Variants in METTL15 observed in about 807,000 individuals in gnomAD.
The protein encoded by METTL15 is methyltransferase 15, mitochondrial 12S rRNA N4-cytidine.
METTL15 carries 34 observed loss-of-function variants against 38.3 expected under a neutral mutation model. That is an observed-to-expected ratio of 0.89 (90% CI 0.68 to 1.18). The LOEUF is 1.18. Among genes scored for constraint, METTL15 ranks in the 50% most tolerant of loss-of-function variants. The probability of loss-of-function intolerance (pLI) is 0.00; values close to 1 mark genes in which losing one functional copy is unlikely to be tolerated. For synonymous variants in METTL15, 162 were observed against 170.9 expected (o/e 0.95, Z 0.41); for missense variants, 438 against 498.4 (o/e 0.88, Z 1.15).
At chr11:28,429,930 G>A (rs1266950272) in intron 6 of METTL15, among the ~76,000 whole-genome samples, 1 of 120,172 alleles carries the variant, frequency 8.3e-6, no homozygotes, top group Non-Finnish European at 1.7e-5. Context: ...CTTCCCAGCC[G>A]CCATCACATC....
intron 6 of METTL15, among the ~76,000 whole-genome samples, chr11:28,328,504 A>G (rs1367027404): frequency 6.6e-6 from 1 of 152,112 alleles, no homozygotes; most frequent in Non-Finnish European, 1.5e-5. Context: ...GAAACATGCT[A>G]AGGAGATTAA....
chr11:28,193,955 A>C (rs1851793586), intron 3 of METTL15, among the ~76,000 whole-genome samples: 1 of 151,824 alleles, frequency 6.6e-6, no homozygotes, highest in African/African-American at 2.4e-5. Context: ...TTCCTACTTG[A>C]ATCTTTTTTT....
At chr11:28,373,617 T>A (rs1052828290) in intron 5 of METTL15, among the ~76,000 whole-genome samples, 1 of 152,202 alleles carries the variant, frequency 6.6e-6, no homozygotes, top group Non-Finnish European at 1.5e-5. Context: ...AGCTCTTTAG[T>A]TTAATTAGTT....
chr11:28,141,370 C>T (rs945862633), intron 3 of METTL15, among the ~76,000 whole-genome samples: 3 of 151,962 alleles, frequency 2.0e-5, no homozygotes, highest in African/African-American at 7.3e-5. Flanking sequence ...AAAGATCAAT[C>T]TTAGTTTTTG....
At chr11:28,223,258 G>A (rs558659017) in intron 4 of METTL15, among the ~76,000 whole-genome samples, 2 of 152,050 alleles carry the variant, frequency 1.3e-5, no homozygotes, top group South Asian at 4.2e-4. Flanking sequence ...CAATGACTAA[G>A]AAAAACCCAG....
At chr11:28,214,573 A>T (rs942424310) in intron 4 of METTL15, among the ~76,000 whole-genome samples, 1 of 152,178 alleles carries the variant, frequency 6.6e-6, no homozygotes, top group Admixed American at 6.5e-5. Context: ...ATTCTTATTT[A>T]AATTTCTGTT....
chr11:28,193,925 T>G (rs542105276), intron 3 of METTL15, among the ~76,000 whole-genome samples: 1 of 152,108 alleles, frequency 6.6e-6, no homozygotes, highest in South Asian at 2.1e-4. Flanking sequence ...ATTCTTTGTA[T>G]TTTTCTATTA....
chr11:28,255,138 T>G (rs1854919985), intron 4 of METTL15, among the ~76,000 whole-genome samples: 1 of 152,198 alleles, frequency 6.6e-6, no homozygotes, highest in African/African-American at 2.4e-5. Context: ...TACAATTTCT[T>G]TCATCAGTGT....
intron 6 of METTL15, among the ~76,000 whole-genome samples, chr11:28,316,030 C>T (rs1334669204): frequency 6.6e-6 from 1 of 152,174 alleles, no homozygotes; most frequent in East Asian, 1.9e-4. Context: ...AATGTGGGAC[C>T]CCCACACAGA....
At chr11:28,322,394 G>A (rs1590322374) in intron 6 of METTL15, among the ~76,000 whole-genome samples, 1 of 152,156 alleles carries the variant, frequency 6.6e-6, no homozygotes, top group East Asian at 1.9e-4. Flanking sequence ...GAATCAACTG[G>A]CTATTAGATT....
chr11:28,211,056 T>C lies in METTL15; in HGVS notation c.271-6T>C. 6.2e-7 allele frequency: 1 copy of C among 1,600,264 alleles called. No individual in the cohort carries two copies. ...AGTTGTAATTTTCTTTTTCTGTGTT[T>C]GCTAGATTTTTCTAGATATGACATT... is the stretch of plus-strand genomic sequence containing the variant. On this transcript the variant is annotated splice_region_variant and splice_polypyrimidine_tract_variant and intron_variant, in intron 3 of 6. Coordinates refer to ENST00000407364, the MANE Select transcript of METTL15 (RefSeq NM_001113528.2).
chr11:28,252,059 A>C (rs1194219634), intron 4 of METTL15, among the ~76,000 whole-genome samples: 2 of 152,126 alleles, frequency 1.3e-5, no homozygotes, highest in East Asian at 3.9e-4. Context: ...CTACAAATTC[A>C]TTTGCTCAAC....
downstream of METTL15, among the ~76,000 whole-genome samples, chr11:28,335,291 A>T (rs958978082): frequency 5.9e-5 from 9 of 152,312 alleles, no homozygotes; most frequent in African/African-American, 1.7e-4. Flanking sequence ...TATTGTGAAT[A>T]ACGCTATTGG....
exon 8 of METTL15, chr11:28,526,814 G>C (rs1851815678): frequency 6.6e-6 from 1 of 152,216 alleles, no homozygotes; most frequent in Non-Finnish European, 1.5e-5. Flanking sequence ...CCCTGACACA[G>C]ACTTTATGCA....
intron 4 of METTL15, among the ~76,000 whole-genome samples, chr11:28,241,240 A>G (rs1287762252): frequency 1.3e-5 from 2 of 152,118 alleles, no homozygotes; most frequent in African/African-American, 4.8e-5. Context: ...TTATGATGAA[A>G]AACAACCAGA....
At chr11:28,134,882 G>A (rs1175954651) in intron 3 of METTL15, among the ~76,000 whole-genome samples, 1 of 152,166 alleles carries the variant, frequency 6.6e-6, no homozygotes, top group Non-Finnish European at 1.5e-5. Context: ...CATGGGGCTT[G>A]GCTTTGGTAG....
At chr11:28,244,026 C>T (rs990465084) in intron 4 of METTL15, among the ~76,000 whole-genome samples, 45 of 152,042 alleles carry the variant, frequency 3.0e-4, no homozygotes, top group African/African-American at 1.1e-3. Flanking sequence ...GGACAGCTAG[C>T]TCAAAACAGA....
At chr11:28,217,726 A>G (rs1450428645) in intron 4 of METTL15, among the ~76,000 whole-genome samples, 3 of 152,124 alleles carry the variant, frequency 2.0e-5, no homozygotes, top group African/African-American at 7.2e-5. Context: ...ATTTGGAATT[A>G]ATTTTTGTAG....
intron 3 of METTL15, among the ~76,000 whole-genome samples, chr11:28,147,658 C>T (rs762195105): frequency 2.6e-5 from 4 of 151,468 alleles, no homozygotes; most frequent in Non-Finnish European, 4.4e-5. Flanking sequence ...GTTCATTATC[C>T]CTAAGTTCTG....
Sources: gnomAD v4.1 joint callset for allele counts (sites outside exome capture counted in the v4.1 genomes callset) on GRCh38, gnomAD v4.1.1 for gene constraint, MANE v1.5 for transcripts, NCBI Gene and HGNC (gene_info 2026-07-23, HGNC 2026-07-21) for gene names.